RIMS4: variants seen among roughly 807,000 people sequenced by gnomAD.
RIMS4 encodes the protein regulating synaptic membrane exocytosis 4, also known as regulating synaptic membrane exocytosis protein 4.
In RIMS4, 9 loss-of-function variants were observed where a neutral mutation model predicts 29.0. The observed-to-expected ratio is 0.31, with a 90% CI of 0.19 to 0.54. RIMS4 has a LOEUF of 0.54. Ranked by LOEUF, RIMS4 falls within the 20% of genes least tolerant of loss-of-function variation. RIMS4 has a pLI of 0.94. For missense variants in RIMS4, 193 were observed against 365.7 expected (o/e 0.53, Z 3.85); for synonymous variants, 130 against 152.9 (o/e 0.85, Z 1.10).
intron 2 of RIMS4, among the ~76,000 whole-genome samples, chr20:44,768,992 T>C (rs1182941233): frequency 1.3e-5 from 2 of 152,202 alleles, no homozygotes; most frequent in East Asian, 3.9e-4. Flanking sequence ...TCTGTAAGTG[T>C]CTGCACTGTT....
Position 44,810,160 on chromosome 20 carries a change from G to C in RIMS4, c.97+15C>G, listed in dbSNP as rs764617557. ...GGGACACCCCGGGGGTCTGGGGGGC[G>C]GGCCGCGCGCTTACCTGCGTCCTCG... On this transcript the variant is annotated intron_variant, in intron 1 of 5. Coordinates refer to ENST00000372851, the MANE Select transcript of RIMS4 (RefSeq NM_182970.4). The C allele has an allele frequency of 6.4e-6, 10 of 1,557,826 alleles. No individual in the cohort carries two copies. The highest frequency in any genetic ancestry group is 2.3e-5 in the South Asian group (2 of 87,440).
intron 2 of RIMS4, among the ~76,000 whole-genome samples, chr20:44,768,181 A>G (rs1202833914): frequency 1.3e-5 from 2 of 152,078 alleles, no homozygotes; most frequent in Non-Finnish European, 2.9e-5. Flanking sequence ...CTCTCCCCAC[A>G]CTGCTAGTTG....
At chr20:44,765,220 T>C (rs906701160) in intron 2 of RIMS4, among the ~76,000 whole-genome samples, 6 of 152,180 alleles carry the variant, frequency 3.9e-5, no homozygotes, top group Non-Finnish European at 8.8e-5. Flanking sequence ...AGCACTGCGT[T>C]ATACTGTCTC....
At chr20:44,800,664 G>A (rs2066274044) in intron 1 of RIMS4, among the ~76,000 whole-genome samples, 1 of 152,046 alleles carries the variant, frequency 6.6e-6, no homozygotes, top group Non-Finnish European at 1.5e-5. Context: ...AGGAACTGGA[G>A]GGCCTGTACA....
At chr20:44,789,361 G>A (rs569173556) in intron 1 of RIMS4, among the ~76,000 whole-genome samples, 37 of 152,126 alleles carry the variant, frequency 2.4e-4, no homozygotes, top group South Asian at 4.2e-4. Flanking sequence ...GCAGTGGAGC[G>A]ATCTCGGCTC....
chr20:44,783,642 C>CA (rs548216866), intron 1 of RIMS4, among the ~76,000 whole-genome samples: 2,080 of 145,674 alleles, frequency 0.014, 46 homozygotes, highest in African/African-American at 0.048. Context: ...AAAACAAAAA[C>CA]AAAAAAAAAA....
chr20:44,780,560 G>C (rs920830696), intron 1 of RIMS4, among the ~76,000 whole-genome samples: 1 of 152,174 alleles, frequency 6.6e-6, no homozygotes, highest in Non-Finnish European at 1.5e-5. Context: ...AGTTGAACCA[G>C]AGCCTATGAG....
chr20:44,768,497 G>C (rs1189113903), intron 2 of RIMS4, among the ~76,000 whole-genome samples: 2 of 152,140 alleles, frequency 1.3e-5, no homozygotes, highest in East Asian at 3.9e-4. Flanking sequence ...CCGGCATTTG[G>C]GCCAAACCAG....
rs550320355 is a variant in RIMS4, at chr20:44,780,311, A to AT, written c.98-8899dup. Among the ~76,000 whole-genome samples, 285 of 152,320 alleles carry AT rather than the reference A, an allele frequency of 1.9e-3. 1 individual carries two copies. The highest frequency in any genetic ancestry group is 6.6e-3 in the African/African-American group (274 of 41,564). ...TGCAACTGAAGGCCTCTAAAATGCGATTAAGTCCACAGCAAAGAACTGGCG... is the reference window on the plus strand; with the variant it reads ...TGCAACTGAAGGCCTCTAAAATGCGATTTAAGTCCACAGCAAAGAACTGGCG... On this transcript the variant is annotated intron_variant, in intron 1 of 5. Transcript: ENST00000372851.
chr20:44,791,757 T>C (rs765751860), intron 1 of RIMS4, among the ~76,000 whole-genome samples: 1 of 152,104 alleles, frequency 6.6e-6, no homozygotes, highest in Non-Finnish European at 1.5e-5. Flanking sequence ...TTTCTGACTT[T>C]GAAAAGGATG....
chr20:44,765,685 C>T (rs1477925667), intron 2 of RIMS4, among the ~76,000 whole-genome samples: 1 of 152,126 alleles, frequency 6.6e-6, no homozygotes, highest in Non-Finnish European at 1.5e-5. Flanking sequence ...TTGGTAGAAC[C>T]GTGACCCTGA....
At chr20:44,768,037 T>C (rs1196489840) in intron 2 of RIMS4, among the ~76,000 whole-genome samples, 1 of 152,206 alleles carries the variant, frequency 6.6e-6, no homozygotes, top group African/African-American at 2.4e-5. Context: ...CCATTGTCCA[T>C]TGGTATTACA....
intron 1 of RIMS4, among the ~76,000 whole-genome samples, chr20:44,786,671 G>C (rs1386283885): frequency 6.6e-6 from 1 of 152,166 alleles, no homozygotes; most frequent in Non-Finnish European, 1.5e-5. Flanking sequence ...GTCACCCCAT[G>C]TGCCTGTACA....
intron 1 of RIMS4, among the ~76,000 whole-genome samples, chr20:44,793,402 G>T (rs1053301641): frequency 2.0e-5 from 3 of 152,176 alleles, no homozygotes; most frequent in Non-Finnish European, 2.9e-5. Context: ...GAATGCGGAG[G>T]GGGAGGGAGC....
At chr20:44,809,370 C>T (rs1322307078) in intron 1 of RIMS4, among the ~76,000 whole-genome samples, 1 of 152,148 alleles carries the variant, frequency 6.6e-6, no homozygotes, top group East Asian at 1.9e-4. Context: ...GGTTTCCCTA[C>T]AGCTCCCCAC....
At chr20:44,783,449 A>G (rs1310479535) in intron 1 of RIMS4, among the ~76,000 whole-genome samples, 2 of 152,026 alleles carry the variant, frequency 1.3e-5, no homozygotes, top group Non-Finnish European at 2.9e-5. Flanking sequence ...ATGGTGAAAC[A>G]CTGTCTCTAC....
rs1286641532 is a variant in RIMS4, at chr20:44,756,906, C to T, written c.583G>A (p.Val195Ile). ...LLFPESPQGK[V>I]LQVIVWGNYG... ...GCGTCAATGCCCCTCACCTGGAGGA[C>T]TTTGCCCTGGGGACTCTCAGGAAAC... is the stretch of plus-strand genomic sequence containing the variant. The change falls in exon 5 of 6, where the codon GTC becomes ATC. Residue 195 changes from valine to isoleucine, a missense_variant. Val to Ile is a conservative substitution (Grantham distance 29). Transcript: ENST00000372851. The surrounding 1 kb of genome is among the most constrained non-coding windows in gnomAD (Gnocchi z 5.9). The T allele has an allele frequency of 6.2e-7, 1 of 1,613,818 alleles. No homozygotes were observed. The highest frequency in any genetic ancestry group is 8.5e-7 in the Non-Finnish European group (1 of 1,179,906).
chr20:44,774,847 C>T (rs753605786), intron 1 of RIMS4, among the ~76,000 whole-genome samples: 1 of 152,076 alleles, frequency 6.6e-6, no homozygotes, highest in Non-Finnish European at 1.5e-5. Flanking sequence ...CTGGGCCTTG[C>T]GTCTGCTGCC....
At chr20:44,758,804 G>A (rs559669767) in intron 2 of RIMS4, among the ~76,000 whole-genome samples, 3 of 152,196 alleles carry the variant, frequency 2.0e-5, no homozygotes, top group East Asian at 3.9e-4. Context: ...GGAGTGAGAC[G>A]CTCTCTTTCC....
Sources: allele counts gnomAD v4.1 joint callset (sites outside exome capture counted in the v4.1 genomes callset), GRCh38; gene constraint gnomAD v4.1.1; non-coding constraint Gnocchi (gnomAD v3.1); transcripts MANE v1.5; gene names NCBI Gene and HGNC (gene_info 2026-07-23, HGNC 2026-07-21).